Variants in ELP4 observed in about 807,000 individuals in gnomAD.
ELP4 encodes the protein elongator acetyltransferase complex subunit 4, also known as elongator complex protein 4.
A neutral mutation model predicts 48.9 loss-of-function variants in ELP4; 51 were observed. That is an observed-to-expected ratio of 1.04 (90% confidence interval 0.83 to 1.32). The LOEUF is 1.32. ELP4 is among the 40% of genes most tolerant of loss of function. The pLI is 0.00. For synonymous variants in ELP4, 210 were observed against 189.2 expected (o/e 1.11, Z -0.90); for missense variants, 519 against 514.6 (o/e 1.01, Z -0.08).
intron 9 of ELP4, among the ~76,000 whole-genome samples, chr11:31,696,050 T>C (rs1328053324): frequency 6.6e-6 from 1 of 152,114 alleles, no homozygotes; most frequent in Non-Finnish European, 1.5e-5. Flanking sequence ...TATTTGATTC[T>C]TCTCTCTTTT....
At chr11:31,674,694 G>A (rs551140650) in intron 9 of ELP4, among the ~76,000 whole-genome samples, 3 of 152,228 alleles carry the variant, frequency 2.0e-5, no homozygotes, top group East Asian at 1.9e-4. Flanking sequence ...GGAGATAAAA[G>A]CCTCTTCCCT....
At chr11:31,687,909 G>A (rs1263432633) in intron 9 of ELP4, among the ~76,000 whole-genome samples, 1 of 152,134 alleles carries the variant, frequency 6.6e-6, no homozygotes, top group Non-Finnish European at 1.5e-5. Flanking sequence ...ATACTAAATT[G>A]TGTGATTTCC....
intron 9 of ELP4, among the ~76,000 whole-genome samples, chr11:31,700,780 T>C (rs1226180578): frequency 6.6e-6 from 1 of 152,148 alleles, no homozygotes; most frequent in African/African-American, 2.4e-5. Context: ...GAGGGCATGT[T>C]CTGTGTTGCA....
intron 6 of ELP4, among the ~76,000 whole-genome samples, chr11:31,629,764 A>ATT (rs60923235): frequency 0.018 from 2,438 of 132,956 alleles, 74 homozygotes; most frequent in African/African-American, 0.059. Flanking sequence ...TACTATCTAG[A>ATT]TTTTTTTTTT....
chr11:31,518,077 G>T (rs886855177), intron 1 of ELP4, among the ~76,000 whole-genome samples: 5 of 151,652 alleles, frequency 3.3e-5, no homozygotes, highest in African/African-American at 1.2e-4. Context: ...AAATGTCTTA[G>T]TGTAGTGCTA....
chr11:31,510,138 T>C, intron 1 of ELP4, 131 bp downstream of exon 1: 1 of 799,136 alleles, frequency 1.3e-6, no homozygotes, highest in Non-Finnish European at 2.0e-6. Context: ...TAGCCTGGTC[T>C]GATTGAGATG....
intron 9 of ELP4, among the ~76,000 whole-genome samples, chr11:31,658,942 C>T (rs1945496222): frequency 6.6e-6 from 1 of 151,852 alleles, no homozygotes; most frequent in African/African-American, 2.4e-5. Flanking sequence ...TCTTTAAATA[C>T]CATCTTTAAT....
At chr11:31,772,670 T>C (rs755550866) in intron 9 of ELP4, among the ~76,000 whole-genome samples, 1 of 152,246 alleles carries the variant, frequency 6.6e-6, no homozygotes, top group Non-Finnish European at 1.5e-5. Context: ...CTTCTGCTCT[T>C]TTCCCATTGT....
At chr11:31,651,306 CT>C (rs1416761208) in intron 9 of ELP4, 2 of 151,670 alleles carry the variant, frequency 1.3e-5, no homozygotes, top group Non-Finnish European at 2.9e-5. Flanking sequence ...ATGTGCCCTC[CT>C]CCTAATTAAT....
At chr11:31,517,257 C>A (rs1956131838) in intron 1 of ELP4, among the ~76,000 whole-genome samples, 1 of 151,632 alleles carries the variant, frequency 6.6e-6, no homozygotes, top group Non-Finnish European at 1.5e-5. Context: ...GATCTCAACT[C>A]ACTGCAACCT....
intron 9 of ELP4, among the ~76,000 whole-genome samples, chr11:31,694,651 T>C (rs1045832146): frequency 6.6e-6 from 1 of 152,200 alleles, no homozygotes; most frequent in African/African-American, 2.4e-5. Context: ...TGCGGGCTCT[T>C]TTTTGGTTCC....
At chr11:31,528,627 T>C (rs2133889791) in intron 2 of ELP4, among the ~76,000 whole-genome samples, 1 of 152,264 alleles carries the variant, frequency 6.6e-6, no homozygotes, top group South Asian at 2.1e-4. Context: ...TCTATTTCTG[T>C]GCTATATACA....
intron 1 of ELP4, chr11:31,510,737 C>T (rs771171015): frequency 2.3e-4 from 44 of 194,364 alleles, no homozygotes; most frequent in Non-Finnish European, 3.3e-4. Context: ...TTAGGCTTTC[C>T]TTTAAAATCT....
chr11:31,652,566 T>C (rs1945343278), intron 9 of ELP4: 1 of 151,740 alleles, frequency 6.6e-6, no homozygotes, highest in Non-Finnish European at 1.5e-5. Context: ...ACTGTTTTAA[T>C]ACTCACAACA....
chr11:31,533,785 TAA>T (rs936967826), intron 2 of ELP4, among the ~76,000 whole-genome samples: 3 of 152,036 alleles, frequency 2.0e-5, no homozygotes, highest in African/African-American at 7.2e-5. Context: ...TGCAAAGAAA[TAA>T]GAGACAGTTA....
chr11:31,659,855 G>T (rs1447220361), intron 9 of ELP4, among the ~76,000 whole-genome samples: 2 of 151,946 alleles, frequency 1.3e-5, no homozygotes, highest in Admixed American at 1.3e-4. Context: ...AGCTGGGCGT[G>T]GTGGCAGGCA....
chr11:31,751,155 G>T (rs1256386840), intron 9 of ELP4, among the ~76,000 whole-genome samples: 1 of 152,174 alleles, frequency 6.6e-6, no homozygotes, highest in East Asian at 1.9e-4. Flanking sequence ...TAATATGTGT[G>T]TTTTAAATGA....
At chr11:31,534,131 CG>C (rs1189446094) in intron 2 of ELP4, among the ~76,000 whole-genome samples, 1 of 152,102 alleles carries the variant, frequency 6.6e-6, no homozygotes, top group African/African-American at 2.4e-5. Flanking sequence ...CCACGGTACC[CG>C]GCCAGTTAAG....
At chr11:31,598,503 C>CTTTTTTTTTTTTTTTTTTTTTTTTTTCT (rs10702222) in intron 4 of ELP4, among the ~76,000 whole-genome samples, 1 of 77,740 alleles carries the variant, frequency 1.3e-5, no homozygotes, top group Non-Finnish European at 2.2e-5. Flanking sequence ...TTTTCTTCTT[C>CTTTTTTTTTTTTTTTTTTTTTTTTTTCT]TTTTTTTTTT....
Sources: gnomAD v4.1 joint callset for allele counts (sites outside exome capture counted in the v4.1 genomes callset) on GRCh38, gnomAD v4.1.1 for gene constraint, MANE v1.5 for transcripts, NCBI Gene and HGNC (gene_info 2026-07-23, HGNC 2026-07-21) for gene names.